SGCG: variants seen among roughly 807,000 people sequenced by gnomAD.
SGCG encodes sarcoglycan gamma.
SGCG carries 26 observed loss-of-function variants against 29.3 expected under a neutral mutation model. The ratio of observed to expected loss-of-function variants is 0.89; its 90% confidence interval spans 0.65 to 1.23. The LOEUF (loss-of-function observed/expected upper bound fraction) is 1.23, where lower values mean the gene tolerates loss of function less well. Ranked by LOEUF, SGCG falls within the 50% of genes most tolerant of loss-of-function variation. The pLI is 0.00. For missense variants in SGCG, 353 were observed against 356.0 expected (o/e 0.99, Z 0.07); for synonymous variants, 145 against 129.7 (o/e 1.12, Z -0.80).
chr13:23,179,360 A>G (rs1365708598), upstream of SGCG, among the ~76,000 whole-genome samples: 1 of 152,184 alleles, frequency 6.6e-6, no homozygotes, highest in Non-Finnish European at 1.5e-5. Context: ...GTGGGGATCA[A>G]ACACATCACC....
chr13:23,179,380 T>G (rs552806251), upstream of SGCG, among the ~76,000 whole-genome samples: 1 of 152,324 alleles, frequency 6.6e-6, no homozygotes, highest in Admixed American at 6.5e-5. Context: ...CTGACTAACA[T>G]TTTTACAAAG....
chr13:23,192,675 C>A (rs537811793), intron 1 of SGCG, among the ~76,000 whole-genome samples: 3 of 152,174 alleles, frequency 2.0e-5, no homozygotes, highest in African/African-American at 7.2e-5. Flanking sequence ...GGATTACAGG[C>A]GTGAGCCATG....
intron 4 of SGCG, among the ~76,000 whole-genome samples, chr13:23,273,758 G>A (rs1190857465): frequency 3.9e-5 from 6 of 152,182 alleles, no homozygotes; most frequent in Non-Finnish European, 7.3e-5. Flanking sequence ...TCTACGTTAT[G>A]AAAGTCATTG....
At chr13:23,235,097 G>A (rs370848758) in intron 3 of SGCG, among the ~76,000 whole-genome samples, 22 of 152,182 alleles carry the variant, frequency 1.4e-4, no homozygotes, top group South Asian at 4.1e-4. Flanking sequence ...AGCTGGGCGC[G>A]GTGGCTCACG....
intron 5 of SGCG, among the ~76,000 whole-genome samples, chr13:23,281,923 G>A (rs1342053169): frequency 4.6e-5 from 7 of 152,178 alleles, no homozygotes; most frequent in Admixed American, 1.3e-4. Flanking sequence ...TCTAGAACAT[G>A]CTTTCAAGTT....
At chr13:23,269,094 G>C (rs1880757962) in intron 4 of SGCG, 1 of 151,900 alleles carries the variant, frequency 6.6e-6, no homozygotes, top group African/African-American at 2.4e-5. Flanking sequence ...TGTTCCTTCA[G>C]AAAAAAAGCA....
At chr13:23,222,688 G>A (rs532403847) in intron 2 of SGCG, among the ~76,000 whole-genome samples, 88 of 152,072 alleles carry the variant, frequency 5.8e-4, no homozygotes, top group African/African-American at 1.8e-3. Context: ...TTAGCCAGGC[G>A]TAGATGGCGT....
At chr13:23,254,193 A>G (rs1245774659) in intron 4 of SGCG, among the ~76,000 whole-genome samples, 3 of 152,166 alleles carry the variant, frequency 2.0e-5, no homozygotes, top group Non-Finnish European at 4.4e-5. Context: ...GGAAGATGAC[A>G]GAAAGTTTGG....
At chr13:23,206,532 T>C (rs1266685488) in intron 2 of SGCG, among the ~76,000 whole-genome samples, 1 of 152,240 alleles carries the variant, frequency 6.6e-6, no homozygotes, top group Non-Finnish European at 1.5e-5. Context: ...GGTATTGATA[T>C]ACATTTTCTT....
rs144258130 is a variant in SGCG, at chr13:23,310,078, CTTTTTTTTTTTTTTT to C, written c.579-10546_579-10532del. On this transcript the variant is annotated intron_variant, in intron 6 of 7. Coordinates refer to ENST00000218867, the MANE Select transcript of SGCG (RefSeq NM_000231.3). ...CTTAGTATTTTTGCCTTGTTTTTCT[CTTTTTTTTTTTTTTT>C]TTTTTTTTTTTTAGACGGAGTCTTG... Among the ~76,000 whole-genome samples, 3 of 60,780 alleles carry C rather than the reference CTTTTTTTTTTTTTTT, an allele frequency of 4.9e-5. No homozygotes were observed. The East Asian group carries it at 2.9e-3, about 58-fold the overall frequency. 39.9% of individuals were successfully genotyped at this position (60,780 alleles called of 152,430 possible).
intron 6 of SGCG, among the ~76,000 whole-genome samples, chr13:23,302,558 A>G (rs1162760800): frequency 2.0e-5 from 3 of 152,100 alleles, no homozygotes; most frequent in Non-Finnish European, 4.4e-5. Context: ...AGTGATAAAT[A>G]TGCCAATTAC....
chr13:23,202,905 G>A (rs974474254), intron 1 of SGCG, among the ~76,000 whole-genome samples: 1 of 152,092 alleles, frequency 6.6e-6, no homozygotes, highest in Non-Finnish European at 1.5e-5. Context: ...TAGCTAAAAA[G>A]TACTTCTGTT....
intron 6 of SGCG, among the ~76,000 whole-genome samples, chr13:23,299,417 TATATATATATATATATATATATA>T (rs1882036437): frequency 2.2e-4 from 1 of 4,640 alleles, no homozygotes; most frequent in Admixed American, 3.3e-3. Flanking sequence ...CATATATATA[TATATATATATATATATATATATA>T]TATATATATA....
the SGCG span, among the ~76,000 whole-genome samples, chr13:23,169,267 G>C: frequency 0.086 from 13,059 of 151,718 alleles, 697 homozygotes; most frequent in African/African-American, 0.13. Context: ...ATGGCAGGGA[G>C]TCATTCAAAT....
At chr13:23,230,119 T>C (rs1879052779) in intron 2 of SGCG, among the ~76,000 whole-genome samples, 1 of 152,200 alleles carries the variant, frequency 6.6e-6, no homozygotes. Flanking sequence ...TTCTGGGCTC[T>C]CTATTCTGTT....
In SGCG at chr13:23,324,538, C is replaced by T; in HGVS notation, c.873C>T (p.Leu291=). Residue 291 remains leucine (L), a synonymous_variant, in exon 8 of 8, where the codon CTC becomes CTT. Transcript: ENST00000218867. ...GCCAGGAGCACAACCACATCTGCCT[C>T]TGAGCTGCCTGCGTCCTCTCGGTGA... ...TTCQEHNHIC[L] 6.2e-7 allele frequency: 1 copy of T among 1,610,318 alleles called. No homozygotes were observed. Among genetic ancestry groups the T allele is most frequent in the Middle Eastern group, 2.1e-4 (1 of 4,738 alleles).
the SGCG span, among the ~76,000 whole-genome samples, chr13:23,175,594 C>T: frequency 6.6e-6 from 1 of 152,008 alleles, no homozygotes; most frequent in Non-Finnish European, 1.5e-5. Context: ...TATTTTCTCC[C>T]CTGAAATCTG....
intron 2 of SGCG, among the ~76,000 whole-genome samples, chr13:23,219,787 ATAAC>A (rs1773906274): frequency 6.7e-6 from 1 of 148,802 alleles, no homozygotes; most frequent in Non-Finnish European, 1.5e-5. Flanking sequence ...GCTCTGTCTG[ATAAC>A]TAACTTTTAC....
At chr13:23,160,854 C>T in the SGCG span, among the ~76,000 whole-genome samples, 1 of 152,180 alleles carries the variant, frequency 6.6e-6, no homozygotes, top group South Asian at 2.1e-4. Context: ...TCCCCTGCCC[C>T]CTTGTGGGGG....
Sources: allele counts gnomAD v4.1 joint callset (sites outside exome capture counted in the v4.1 genomes callset), GRCh38; gene constraint gnomAD v4.1.1; transcripts MANE v1.5; gene names NCBI Gene and HGNC (gene_info 2026-07-23, HGNC 2026-07-21).